Variants in ZNF487 observed in about 807,000 individuals in gnomAD.
ZNF487 encodes the protein KRAB domain only 1.
A neutral mutation model predicts 3.0 loss-of-function variants in ZNF487; 4 were observed. The observed-to-expected ratio is 1.35, with a 90% CI of 0.66 to 3.08. The LOEUF (loss-of-function observed/expected upper bound fraction) is 3.08, where lower values mean the gene tolerates loss of function less well. Among genes scored for constraint, ZNF487 ranks in the 30% most tolerant of loss-of-function variants. The pLI, the probability that ZNF487 is intolerant of heterozygous loss-of-function variation, is 0.01. For synonymous variants in ZNF487, 55 were observed against 34.6 expected, an observed-to-expected ratio of 1.59 and a Z score of -2.06; for missense variants, 146 against 98.7, an observed-to-expected ratio of 1.48 and a Z score of -2.03.
chr10:43,521,389 T>G, the ZNF487 span, among the ~76,000 whole-genome samples: 1 of 152,150 alleles, frequency 6.6e-6, no homozygotes, highest in South Asian at 2.1e-4. Flanking sequence ...TTCTTGCACT[T>G]AGGAACACGA....
chr10:43,476,069 G>A (rs1393767293), intron 2 of ZNF487, 38 bp from the exon 3 acceptor site: 1 of 713,972 alleles, frequency 1.4e-6, no homozygotes, highest in Non-Finnish European at 2.6e-6. Flanking sequence ...TCCTCCGCAG[G>A]CTATCTGGCC....
downstream of ZNF487, among the ~76,000 whole-genome samples, chr10:43,487,285 G>A (rs1052761190): frequency 6.6e-6 from 1 of 151,412 alleles, no homozygotes; most frequent in African/African-American, 2.4e-5. Context: ...GATTACAGAC[G>A]CGTGCGACCA....
At chr10:43,492,615 CTAAT>C in the ZNF487 span, among the ~76,000 whole-genome samples, 1 of 152,024 alleles carries the variant, frequency 6.6e-6, no homozygotes, top group African/African-American at 2.4e-5. Flanking sequence ...CCACGCCCGG[CTAAT>C]TTTTTTGTAT....
chr10:43,460,023 C>T (rs924700545), intron 1 of ZNF487, among the ~76,000 whole-genome samples: 10 of 151,886 alleles, frequency 6.6e-5, no homozygotes, highest in South Asian at 2.1e-4. Flanking sequence ...AGGATGGTCT[C>T]GATCTCCTGA....
chr10:43,464,669 CAG>C (rs1840592350), intron 1 of ZNF487, among the ~76,000 whole-genome samples: 1 of 152,198 alleles, frequency 6.6e-6, no homozygotes, highest in Non-Finnish European at 1.5e-5. Context: ...GCACATGTTT[CAG>C]AGAGCACAGG....
the ZNF487 span, among the ~76,000 whole-genome samples, chr10:43,498,075 T>TATATATA: frequency 1.4e-4 from 5 of 35,024 alleles, no homozygotes; most frequent in African/African-American, 7.8e-4. Context: ...ATTTGGTATT[T>TATATATA]TATATATATA....
downstream of ZNF487, among the ~76,000 whole-genome samples, chr10:43,487,305 A>T (rs536174037): frequency 4.0e-5 from 6 of 151,874 alleles, no homozygotes; most frequent in East Asian, 1.2e-3. Context: ...ATGCCTGGCT[A>T]ATTTTTTGTG....
the ZNF487 span, among the ~76,000 whole-genome samples, chr10:43,508,847 AAAAT>A: frequency 6.6e-6 from 1 of 151,760 alleles, no homozygotes; most frequent in African/African-American, 2.4e-5. Flanking sequence ...ACTACACCTC[AAAAT>A]AAATAAATAA....
At chr10:43,507,270 T>G in the ZNF487 span, among the ~76,000 whole-genome samples, 1 of 152,192 alleles carries the variant, frequency 6.6e-6, no homozygotes, top group South Asian at 2.1e-4. Flanking sequence ...CTGGGGGAGC[T>G]ATACAGATGT....
At chr10:43,438,501 A>C (rs1176248227) in intron 1 of ZNF487, among the ~76,000 whole-genome samples, 1 of 152,164 alleles carries the variant, frequency 6.6e-6, no homozygotes, top group South Asian at 2.1e-4. Flanking sequence ...ATATTAAGAA[A>C]TATACCCTTG....
the ZNF487 span, among the ~76,000 whole-genome samples, chr10:43,492,553 G>A: frequency 4.6e-5 from 7 of 151,584 alleles, no homozygotes; most frequent in Non-Finnish European, 5.9e-5. Context: ...CTGAGTTCAC[G>A]CCATTCTCCT....
Position 43,481,412 on chromosome 10 carries a change from CTT to C in ZNF487, c.131-16_131-15del, listed in dbSNP as rs530137317. On this transcript the variant is annotated splice_polypyrimidine_tract_variant and intron_variant, in intron 3 of 3. Transcript: ENST00000437590. ...TGTTAACATTTATAATCTGTGATAA[CTT>C]ATTATTATTTCTAGACTGCTGCATA... 1.1e-3 allele frequency: 722 copies of C among 683,072 alleles called. 5 individuals are homozygous for C. In the East Asian group the frequency reaches 0.013, roughly 12 times the overall value. The allele number at this position is 683,072 out of a possible 1,614,324, so 42.3% of individuals were successfully genotyped here. A position where few individuals can be genotyped will look rare whatever the true frequency, so the allele number is the denominator to read the frequency against.
intron 1 of ZNF487, among the ~76,000 whole-genome samples, chr10:43,463,859 C>T (rs541313459): frequency 1.3e-5 from 2 of 151,626 alleles, no homozygotes; most frequent in South Asian, 2.1e-4. Context: ...TTGTTTTGAC[C>T]GTATATAAGA....
At chr10:43,477,986 G>A (rs1349174303) in intron 3 of ZNF487, among the ~76,000 whole-genome samples, 1 of 151,788 alleles carries the variant, frequency 6.6e-6, no homozygotes, top group Non-Finnish European at 1.5e-5. Context: ...GTGGGGAAAG[G>A]CAGGTAAAAA....
intron 3 of ZNF487, among the ~76,000 whole-genome samples, chr10:43,479,960 T>G (rs558579501): frequency 2.5e-5 from 1 of 39,528 alleles, no homozygotes; most frequent in African/African-American, 6.4e-5. Flanking sequence ...CTGACTCTCT[T>G]TCTTTCTTTC....
chr10:43,462,811 C>G (rs1840480456), intron 1 of ZNF487, among the ~76,000 whole-genome samples: 1 of 151,198 alleles, frequency 6.6e-6, no homozygotes, highest in Non-Finnish European at 1.5e-5. Context: ...ATGTTGTCAC[C>G]CAGGCTGGAG....
chr10:43,509,340 G>A, the ZNF487 span, among the ~76,000 whole-genome samples: 2 of 151,630 alleles, frequency 1.3e-5, no homozygotes, highest in Non-Finnish European at 2.9e-5. Context: ...AAGGTCCTCA[G>A]ACCTGATACC....
the ZNF487 span, among the ~76,000 whole-genome samples, chr10:43,497,755 C>G: frequency 6.6e-6 from 1 of 151,826 alleles, no homozygotes; most frequent in African/African-American, 2.4e-5. Flanking sequence ...ATCATGAGGT[C>G]AGGAGATCGA....
At chr10:43,471,229 T>C (rs1378113872) in intron 1 of ZNF487, among the ~76,000 whole-genome samples, 2 of 151,944 alleles carry the variant, frequency 1.3e-5, no homozygotes, top group African/African-American at 2.4e-5. Context: ...CGTGAGTGAG[T>C]GCGGGATCTG....
Sources: gnomAD v4.1 joint callset for allele counts (sites outside exome capture counted in the v4.1 genomes callset) on GRCh38, gnomAD v4.1.1 for gene constraint, MANE v1.5 for transcripts, NCBI Gene and HGNC (gene_info 2026-07-23, HGNC 2026-07-21) for gene names.